The following ADGRL2 variants were observed in gnomAD, a reference collection of about 807,000 sequenced individuals.
ADGRL2 encodes the protein calcium-independent alpha-latrotoxin receptor 2.
Under a neutral mutation model 157.4 loss-of-function variants are expected in ADGRL2, and 44 were observed. That is an observed-to-expected ratio of 0.28 (90% CI 0.22 to 0.36). ADGRL2 has a LOEUF of 0.36. ADGRL2 is among the 10% of genes least tolerant of loss of function. The pLI, the probability that ADGRL2 is intolerant of heterozygous loss-of-function variation, is 1.00. For missense variants in ADGRL2, 1,510 were observed against 1,768.9 expected (o/e 0.85, Z 2.63); for synonymous variants, 585 against 624.7 (o/e 0.94, Z 0.95).
chr1:81,671,354 A>T (rs906151518), intron 3 of ADGRL2, among the ~76,000 whole-genome samples: 13 of 152,158 alleles, frequency 8.5e-5, no homozygotes, highest in African/African-American at 3.1e-4. Flanking sequence ...AAGATTTTAA[A>T]TTAAGATCCA....
intron 2 of ADGRL2, among the ~76,000 whole-genome samples, chr1:81,882,267 T>C (rs2094007736): frequency 6.6e-6 from 1 of 152,204 alleles, no homozygotes; most frequent in Non-Finnish European, 1.5e-5. Flanking sequence ...CTAAGAGATA[T>C]GCTTTCTGGC....
intron 1 of ADGRL2, among the ~76,000 whole-genome samples, chr1:81,715,537 G>T (rs1413704737): frequency 6.6e-6 from 1 of 152,090 alleles, no homozygotes; most frequent in South Asian, 2.1e-4. Context: ...TCAGTTGGCT[G>T]GACATAAGAA....
chr1:81,409,598 A>C (rs1000326220), intron 1 of ADGRL2, among the ~76,000 whole-genome samples: 7 of 152,214 alleles, frequency 4.6e-5, no homozygotes, highest in Non-Finnish European at 1.5e-5. Flanking sequence ...GTGCTACTGT[A>C]TTGAAAACAA....
intron 2 of ADGRL2, among the ~76,000 whole-genome samples, chr1:81,843,308 T>A (rs571596586): frequency 4.5e-4 from 68 of 152,206 alleles, no homozygotes; most frequent in African/African-American, 1.6e-3. Flanking sequence ...AATTTTTGTA[T>A]TTTTAGTAGA....
chr1:81,967,293 G>A (rs374368915), intron 13 of ADGRL2, among the ~76,000 whole-genome samples: 51 of 145,944 alleles, frequency 3.5e-4, no homozygotes, highest in African/African-American at 1.2e-3. Flanking sequence ...ACAGAGTCTC[G>A]CTCTGTTGCC....
chr1:81,795,963 G>C (rs2087564272), upstream of ADGRL2, among the ~76,000 whole-genome samples: 1 of 151,582 alleles, frequency 6.6e-6, no homozygotes, highest in Non-Finnish European at 1.5e-5. Flanking sequence ...AAGGGGATCA[G>C]GAGGTATTTT....
rs114077359 is a variant in ADGRL2, at chr1:81,423,255, C to A, written c.-301-21781C>A. ...ATGGGATATGGTTATCCCCATGTTA[C>A]CTGCTTTTAGGATTATATAGGACTG... On this transcript the variant is annotated intron_variant, in intron 1 of 24. Coordinates refer to the ADGRL2 transcript ENST00000370721. 6.1e-3 allele frequency among the ~76,000 whole-genome samples: 922 copies of A among 152,224 alleles called. 13 individuals are homozygous for A. The highest frequency in any genetic ancestry group is 0.02 in the African/African-American group (814 of 41,520).
chr1:81,945,044 T>A (rs1649347456), intron 6 of ADGRL2, among the ~76,000 whole-genome samples: 1 of 152,064 alleles, frequency 6.6e-6, no homozygotes, highest in African/African-American at 2.4e-5. Context: ...TATGTTTGTA[T>A]TTTTTGGCTT....
At chr1:81,929,470 C>A (rs949372928) in intron 3 of ADGRL2, among the ~76,000 whole-genome samples, 1 of 152,094 alleles carries the variant, frequency 6.6e-6, no homozygotes, top group Non-Finnish European at 1.5e-5. Context: ...TGTTATCTTG[C>A]CAAAACAGAA....
At chr1:81,416,430 TC>T (rs2077036222) in intron 1 of ADGRL2, among the ~76,000 whole-genome samples, 1 of 152,142 alleles carries the variant, frequency 6.6e-6, no homozygotes, top group Non-Finnish European at 1.5e-5. Context: ...TGGTTATACT[TC>T]AGCTTGTTCC....
chr1:81,383,735 T>C (rs1203834273), intron 1 of ADGRL2, among the ~76,000 whole-genome samples: 1 of 134,778 alleles, frequency 7.4e-6, no homozygotes, highest in Non-Finnish European at 1.6e-5. Flanking sequence ...GAGGCCAAGG[T>C]GGGCAGATCA....
chr1:81,981,983 A>C lies in ADGRL2; in HGVS notation c.3282+7A>C. On this transcript the variant is annotated splice_region_variant and intron_variant, in intron 19 of 23. Coordinates refer to ENST00000686636, the MANE Select transcript of ADGRL2 (RefSeq NM_001366006.2). ...CTGTGCTCTCCAAAAGAAAGTAAGT[A>C]ATTGAAAACACCTAGGGGCTCAGGT... 6.2e-7 allele frequency: 1 copy of C among 1,608,960 alleles called. No homozygotes were observed. Among genetic ancestry groups the C allele is most frequent in the Non-Finnish European group, 8.5e-7 (1 of 1,176,990 alleles).
chr1:81,387,850 C>G (rs1283581478), intron 1 of ADGRL2, among the ~76,000 whole-genome samples: 1 of 152,114 alleles, frequency 6.6e-6, no homozygotes, highest in East Asian at 1.9e-4. Context: ...CTAATCCTCT[C>G]TCAACTCTCC....
intron 15 of ADGRL2, among the ~76,000 whole-genome samples, chr1:81,969,888 C>G (rs1658207345): frequency 6.6e-6 from 1 of 151,816 alleles, no homozygotes; most frequent in Non-Finnish European, 1.5e-5. Flanking sequence ...GTCATTAAAG[C>G]AAAATTTTAA....
chr1:81,542,072 A>G (rs1270340575), intron 2 of ADGRL2, among the ~76,000 whole-genome samples: 6 of 152,178 alleles, frequency 3.9e-5, no homozygotes, highest in African/African-American at 1.4e-4. Flanking sequence ...TTGCTACTTA[A>G]ATTACTCTTT....
At chr1:81,333,305 C>G (rs557648496) in intron 1 of ADGRL2, among the ~76,000 whole-genome samples, 1 of 152,216 alleles carries the variant, frequency 6.6e-6, no homozygotes, top group Non-Finnish European at 1.5e-5. Flanking sequence ...CCGGAGACAC[C>G]TTTTATGGTA....
intron 2 of ADGRL2, among the ~76,000 whole-genome samples, chr1:81,839,422 G>A (rs1032662844): frequency 7.2e-5 from 11 of 151,908 alleles, no homozygotes; most frequent in Middle Eastern, 3.4e-3. Flanking sequence ...GGGCACAGGT[G>A]GTATTTGATT....
At chr1:81,464,354 A>G (rs1291401044) in intron 2 of ADGRL2, among the ~76,000 whole-genome samples, 3 of 152,080 alleles carry the variant, frequency 2.0e-5, no homozygotes, top group Admixed American at 1.3e-4. Context: ...TGAAAATAGA[A>G]AAGCATCTGA....
chr1:81,429,411 G>A (rs746499274), intron 1 of ADGRL2, among the ~76,000 whole-genome samples: 12 of 152,134 alleles, frequency 7.9e-5, no homozygotes, highest in East Asian at 1.9e-4. Flanking sequence ...TAATTTGAGC[G>A]AGGGAGGAGG....
Sources: allele counts gnomAD v4.1 joint callset (sites outside exome capture counted in the v4.1 genomes callset), GRCh38; gene constraint gnomAD v4.1.1; transcripts MANE v1.5; gene names NCBI Gene and HGNC (gene_info 2026-07-23, HGNC 2026-07-21).